ADCY2: variants seen among roughly 807,000 people sequenced by gnomAD.
The protein encoded by ADCY2 is adenylate cyclase type 2.
Under a neutral mutation model 125.2 loss-of-function variants are expected in ADCY2, and 31 were observed. The ratio of observed to expected loss-of-function variants is 0.25; its 90% CI spans 0.19 to 0.33. ADCY2 has a LOEUF of 0.33. Among genes scored for constraint, ADCY2 ranks in the 10% least tolerant of loss-of-function variants. The probability of loss-of-function intolerance (pLI) is 1.00; values close to 1 mark genes in which losing one functional copy is unlikely to be tolerated. For missense variants in ADCY2, 904 were observed against 1,418.2 expected (o/e 0.64, Z 5.82); for synonymous variants, 512 against 548.4 (o/e 0.93, Z 0.93).
intron 3 of ADCY2, among the ~76,000 whole-genome samples, chr5:7,567,469 T>C (rs975439627): frequency 2.0e-5 from 3 of 152,232 alleles, no homozygotes; most frequent in Non-Finnish European, 4.4e-5. Flanking sequence ...AAGGGCTGTG[T>C]TCTTCTTTGT....
At chr5:7,524,124 T>C (rs1026331135) in intron 3 of ADCY2, among the ~76,000 whole-genome samples, 2 of 152,222 alleles carry the variant, frequency 1.3e-5, no homozygotes, top group African/African-American at 4.8e-5. Context: ...CAGGCCATGA[T>C]GTATCACCTA....
chr5:7,484,573 A>G (rs1303986940), intron 2 of ADCY2, among the ~76,000 whole-genome samples: 2 of 152,090 alleles, frequency 1.3e-5, no homozygotes, highest in Admixed American at 1.3e-4. Context: ...CCAGATGATG[A>G]CTTTGTTTTT....
At chr5:7,675,773 G>A (rs1177470944) in intron 4 of ADCY2, among the ~76,000 whole-genome samples, 1 of 152,226 alleles carries the variant, frequency 6.6e-6, no homozygotes, top group Non-Finnish European at 1.5e-5. Flanking sequence ...GTGGGCAGGT[G>A]TGTAGGTAGG....
chr5:7,752,935 G>A (rs1160960789), intron 15 of ADCY2, among the ~76,000 whole-genome samples: 2 of 124,112 alleles, frequency 1.6e-5, no homozygotes, highest in Non-Finnish European at 3.2e-5. Flanking sequence ...GTCTTGCTCT[G>A]TCACTCAGGC....
At chr5:7,811,495 T>C (rs1345897350) in intron 22 of ADCY2, among the ~76,000 whole-genome samples, 7 of 147,402 alleles carry the variant, frequency 4.7e-5, no homozygotes, top group Admixed American at 4.6e-4. Flanking sequence ...AGCGAGACTC[T>C]GTCTCAAAAA....
At chr5:7,463,408 G>A (rs545800502) in intron 2 of ADCY2, among the ~76,000 whole-genome samples, 2 of 151,990 alleles carry the variant, frequency 1.3e-5, no homozygotes, top group Non-Finnish European at 2.9e-5. Context: ...TCTTTTTTGC[G>A]CTTGTGAAAT....
intron 7 of ADCY2, among the ~76,000 whole-genome samples, chr5:7,701,103 T>C (rs1234753125): frequency 6.6e-6 from 1 of 152,176 alleles, no homozygotes; most frequent in African/African-American, 2.4e-5. Context: ...AAATATATTT[T>C]TTTTTTCAAA....
At chr5:7,426,282 T>C (rs574316703) in intron 2 of ADCY2, among the ~76,000 whole-genome samples, 9 of 152,346 alleles carry the variant, frequency 5.9e-5, no homozygotes, top group African/African-American at 2.2e-4. Context: ...GCCTTTGTCT[T>C]AGTCCATTTT....
At chr5:7,678,867 T>A (rs928940962) in intron 4 of ADCY2, among the ~76,000 whole-genome samples, 2 of 152,218 alleles carry the variant, frequency 1.3e-5, no homozygotes, top group Non-Finnish European at 2.9e-5. Context: ...AATCAGATTA[T>A]TTAATGAGTT....
intron 18 of ADCY2, among the ~76,000 whole-genome samples, chr5:7,779,520 A>G (rs1743846002): frequency 2.0e-5 from 3 of 152,146 alleles, no homozygotes; most frequent in South Asian, 2.1e-4. Flanking sequence ...CCACAACTGC[A>G]TTAATCAGGT....
intron 3 of ADCY2, among the ~76,000 whole-genome samples, chr5:7,607,581 T>C (rs1284046118): frequency 6.6e-6 from 1 of 152,242 alleles, no homozygotes; most frequent in Non-Finnish European, 1.5e-5. Context: ...GAGCTTTATT[T>C]CGCCTTTCCA....
At chr5:7,701,897 G>T (rs1441251331) in intron 7 of ADCY2, among the ~76,000 whole-genome samples, 1 of 152,094 alleles carries the variant, frequency 6.6e-6, no homozygotes, top group African/African-American at 2.4e-5. Context: ...GATCATTGAT[G>T]CATCAGTAAT....
At chr5:7,679,543 G>A (rs1022091908) in intron 4 of ADCY2, among the ~76,000 whole-genome samples, 3 of 152,198 alleles carry the variant, frequency 2.0e-5, no homozygotes, top group Non-Finnish European at 4.4e-5. Context: ...AGGTGACAGA[G>A]GTTGCTGAGA....
At chr5:7,755,425 G>A (rs1179420425) in intron 15 of ADCY2, among the ~76,000 whole-genome samples, 3 of 148,406 alleles carry the variant, frequency 2.0e-5, no homozygotes, top group Non-Finnish European at 3.0e-5. Flanking sequence ...AAACATGGTG[G>A]AAAGGAGTAG....
intron 2 of ADCY2, among the ~76,000 whole-genome samples, chr5:7,422,366 G>A (rs1008305215): frequency 6.6e-6 from 1 of 151,952 alleles, no homozygotes; most frequent in Non-Finnish European, 1.5e-5. Context: ...TGACAAGCAC[G>A]GATCCACTTC....
intron 12 of ADCY2, among the ~76,000 whole-genome samples, chr5:7,719,472 T>C (rs1349432717): frequency 6.6e-6 from 1 of 152,246 alleles, no homozygotes; most frequent in Non-Finnish European, 1.5e-5. Flanking sequence ...TTCTGATCTT[T>C]GTATTTTCAC....
rs530592405 is a variant in ADCY2, at chr5:7,540,538, T to C, written c.570+19639T>C. Among the ~76,000 whole-genome samples the C allele has an allele frequency of 2.0e-5, 3 of 152,314 alleles. No homozygotes were observed. The East Asian group carries it at 5.8e-4, about 29-fold the overall frequency. On this transcript the variant is annotated intron_variant, in intron 3 of 24. Transcript: ENST00000338316. ...GATGCTTCGGATTTCATGAAGCACA[T>C]TTACATTTTTCGACACTGTTGAAGT...
At position 7,480,482 on chromosome 5, in the gene ADCY2, T is replaced by C. The variant is rs1742687801; in HGVS notation, c.409-40256T>C. On this transcript the variant is annotated intron_variant, in intron 2 of 24. Transcript: ENST00000338316. The stretch of plus-strand genomic sequence containing the variant: ...TGGATGGACCTGGAGACCATTATCC[T>C]TAGAAGACTAATACATGAACAGAAA... Among the ~76,000 whole-genome samples, 4 of 152,174 alleles carry C rather than the reference T, an allele frequency of 2.6e-5. No individual in the cohort carries two copies. In the South Asian group the frequency reaches 8.3e-4, roughly 32 times the overall value.
At chr5:7,508,539 C>G (rs1343526880) in intron 2 of ADCY2, among the ~76,000 whole-genome samples, 3 of 152,086 alleles carry the variant, frequency 2.0e-5, no homozygotes, top group Non-Finnish European at 4.4e-5. Flanking sequence ...TTGTGGAAAT[C>G]CAGAGCTCCA....
Sources: allele counts gnomAD v4.1 joint callset (sites outside exome capture counted in the v4.1 genomes callset), GRCh38; gene constraint gnomAD v4.1.1; transcripts MANE v1.5; gene names NCBI Gene and HGNC (gene_info 2026-07-23, HGNC 2026-07-21).